LINGO2: variants seen among roughly 807,000 people sequenced by gnomAD.
The protein encoded by LINGO2 is leucine rich repeat and Ig domain containing 2.
Under a neutral mutation model 30.6 loss-of-function variants are expected in LINGO2, and 14 were observed. That is an observed-to-expected ratio of 0.46 (90% confidence interval 0.30 to 0.72). LINGO2 has a LOEUF of 0.72. Ranked by LOEUF, LINGO2 falls within the 30% of genes least tolerant of loss-of-function variation. LINGO2 has a pLI of 0.07. For missense variants in LINGO2, 729 were observed against 751.7 expected (o/e 0.97, Z 0.35); for synonymous variants, 317 against 288.5 (o/e 1.10, Z -1.00).
At chr9:28,710,183 T>C in the LINGO2 span, among the ~76,000 whole-genome samples, 1 of 151,640 alleles carries the variant, frequency 6.6e-6, no homozygotes, top group African/African-American at 2.4e-5. Context: ...AGTATGCTCA[T>C]AACAGAGGCC....
At chr9:27,965,693 G>A (rs1820068108) in intron 5 of LINGO2, among the ~76,000 whole-genome samples, 1 of 151,922 alleles carries the variant, frequency 6.6e-6, no homozygotes, top group South Asian at 2.1e-4. Flanking sequence ...CTCTTCTACA[G>A]TTCTGAATCT....
chr9:28,557,067 C>T (rs1378133555), intron 1 of LINGO2, among the ~76,000 whole-genome samples: 1 of 151,954 alleles, frequency 6.6e-6, no homozygotes, highest in Non-Finnish European at 1.5e-5. Flanking sequence ...TAGGCATTAC[C>T]ATTCAGGACA....
At chr9:28,648,455 C>A (rs1029009443) in intron 1 of LINGO2, among the ~76,000 whole-genome samples, 5 of 152,014 alleles carry the variant, frequency 3.3e-5, no homozygotes, top group African/African-American at 4.8e-5. Context: ...TTAATATAGT[C>A]CAGTGAATCC....
the LINGO2 span, among the ~76,000 whole-genome samples, chr9:29,147,689 T>C: frequency 6.6e-6 from 1 of 152,102 alleles, no homozygotes; most frequent in African/African-American, 2.4e-5. Context: ...TTGATAAATT[T>C]GATATTTAGA....
At chr9:27,992,760 T>C (rs191270461) in intron 5 of LINGO2, among the ~76,000 whole-genome samples, 21 of 152,008 alleles carry the variant, frequency 1.4e-4, no homozygotes, top group Admixed American at 3.3e-4. Flanking sequence ...TCTCTTTATT[T>C]TTGTAATAAA....
the LINGO2 span, among the ~76,000 whole-genome samples, chr9:29,054,734 T>C: frequency 5.5e-4 from 83 of 152,198 alleles, no homozygotes; most frequent in East Asian, 0.013. Flanking sequence ...TAATAGAATA[T>C]CCATTGGTGA....
chr9:28,097,872 T>TAA (rs113042336), intron 4 of LINGO2, among the ~76,000 whole-genome samples: 28 of 151,050 alleles, frequency 1.9e-4, no homozygotes, highest in East Asian at 3.9e-4. Context: ...ACACAACCTC[T>TAA]TAAAAAAAAT....
chr9:28,281,124 G>C (rs1360520068), intron 4 of LINGO2, among the ~76,000 whole-genome samples: 1 of 152,130 alleles, frequency 6.6e-6, no homozygotes, highest in East Asian at 1.9e-4. Context: ...TACTGGAAAA[G>C]AAGGTAAGGT....
chr9:27,959,032 A>G (rs1049160258), intron 5 of LINGO2, among the ~76,000 whole-genome samples: 7 of 152,100 alleles, frequency 4.6e-5, no homozygotes, highest in African/African-American at 1.7e-4. Context: ...GTTTCAAGAA[A>G]TTTTGTTATT....
At chr9:29,172,473 G>A in the LINGO2 span, among the ~76,000 whole-genome samples, 3 of 151,748 alleles carry the variant, frequency 2.0e-5, no homozygotes, top group Non-Finnish European at 4.4e-5. Flanking sequence ...CAAGAACTCT[G>A]GATTCAGAAA....
At chr9:28,773,088 G>C in the LINGO2 span, among the ~76,000 whole-genome samples, 2,486 of 152,194 alleles carry the variant, frequency 0.016, 57 homozygotes, top group African/African-American at 0.057. Context: ...ACATACGGCC[G>C]GGCGCGGTGG....
the LINGO2 span, among the ~76,000 whole-genome samples, chr9:28,766,640 A>G: frequency 5.9e-5 from 9 of 152,006 alleles, no homozygotes; most frequent in African/African-American, 2.2e-4. Context: ...TAATGTCAGC[A>G]TTATTCACAA....
intron 1 of LINGO2, among the ~76,000 whole-genome samples, chr9:28,626,851 A>T: frequency 6.7e-6 from 1 of 148,502 alleles, no homozygotes; most frequent in African/African-American, 2.5e-5. Flanking sequence ...TGTGTCTTCC[A>T]TTATCTCTTC....
the LINGO2 span, among the ~76,000 whole-genome samples, chr9:28,995,917 G>A: frequency 6.7e-6 from 1 of 148,230 alleles, no homozygotes; most frequent in African/African-American, 2.5e-5. Flanking sequence ...TATACCTAAT[G>A]CTAAATGAGG....
the LINGO2 span, among the ~76,000 whole-genome samples, chr9:29,068,952 C>T: frequency 6.6e-6 from 1 of 151,810 alleles, no homozygotes; most frequent in South Asian, 2.1e-4. Context: ...ATACTATAAA[C>T]ATATCTAGAA....
intron 2 of LINGO2, among the ~76,000 whole-genome samples, chr9:28,421,045 G>T (rs1470126126): frequency 6.6e-6 from 1 of 151,814 alleles, no homozygotes; most frequent in Non-Finnish European, 1.5e-5. Flanking sequence ...ATCTCCCAAG[G>T]TAAATACTAA....
At chr9:28,653,753 G>A (rs1295486138) in intron 1 of LINGO2, among the ~76,000 whole-genome samples, 1 of 151,992 alleles carries the variant, frequency 6.6e-6, no homozygotes, top group Non-Finnish European at 1.5e-5. Flanking sequence ...GTACGGGATT[G>A]TTTTTTGCTG....
chr9:28,840,830 G>T, the LINGO2 span, among the ~76,000 whole-genome samples: 13 of 151,826 alleles, frequency 8.6e-5, no homozygotes, highest in Non-Finnish European at 1.5e-4. Flanking sequence ...AGAAGGGAGA[G>T]TAATTTGGTT....
chr9:28,002,799 T>A (rs556130505), intron 5 of LINGO2, among the ~76,000 whole-genome samples: 1 of 151,994 alleles, frequency 6.6e-6, no homozygotes, highest in Non-Finnish European at 1.5e-5. Context: ...CGTCAGTGGG[T>A]TTTCTCAGGC....
Sources: allele counts gnomAD v4.1 joint callset (sites outside exome capture counted in the v4.1 genomes callset), GRCh38; gene constraint gnomAD v4.1.1; transcripts MANE v1.5; gene names NCBI Gene and HGNC (gene_info 2026-07-23, HGNC 2026-07-21).